Variants in RGS6 observed in about 807,000 individuals in gnomAD.
The protein encoded by RGS6 is regulator of G-protein signaling 6.
Under a neutral mutation model 78.5 loss-of-function variants are expected in RGS6, and 30 were observed. That is an observed-to-expected ratio of 0.38 (90% CI 0.29 to 0.52). The LOEUF (loss-of-function observed/expected upper bound fraction) is 0.52, where lower values mean the gene tolerates loss of function less well. Among genes scored for constraint, RGS6 ranks in the 20% least tolerant of loss-of-function variants. RGS6 has a pLI of 0.85. For missense variants in RGS6, 495 were observed against 609.7 expected (o/e 0.81, Z 1.98); for synonymous variants, 206 against 206.0 (o/e 1.00, Z 0.00).
chr14:71,882,291 G>A, the RGS6 span, among the ~76,000 whole-genome samples: 207 of 152,222 alleles, frequency 1.4e-3, 1 homozygote, highest in Non-Finnish European at 4.4e-4. Context: ...TTCTTTTTAT[G>A]GCTGAATAAT....
chr14:72,191,817 C>T (rs933268960), intron 2 of RGS6, among the ~76,000 whole-genome samples: 7 of 152,266 alleles, frequency 4.6e-5, no homozygotes, highest in East Asian at 3.9e-4. Flanking sequence ...ATGTCCATCC[C>T]GGGCCTTTAT....
intron 2 of RGS6, among the ~76,000 whole-genome samples, chr14:72,307,437 A>G (rs778423327): frequency 6.6e-6 from 1 of 152,180 alleles, no homozygotes; most frequent in Non-Finnish European, 1.5e-5. Context: ...TTACATTTAA[A>G]TATTTGATTC....
chr14:72,208,297 G>A lies in RGS6; in HGVS notation c.85-143798G>A, dbSNP rs78048558. Among the ~76,000 whole-genome samples the A allele has an allele frequency of 8.9e-3, 1,355 of 152,290 alleles. 19 individuals are homozygous for A. The highest frequency in any genetic ancestry group is 0.014 in the Non-Finnish European group (972 of 68,012). ...ATCAGAGCATGGAACCAACACAGAG[G>A]GAAACACAGCTGAGCAAAGAGAGAG... On this transcript the variant is annotated intron_variant, in intron 2 of 17. Coordinates refer to ENST00000553525, the MANE Select transcript of RGS6 (RefSeq NM_001204424.2).
At chr14:72,357,357 A>C (rs775817134) in intron 3 of RGS6, among the ~76,000 whole-genome samples, 1 of 152,142 alleles carries the variant, frequency 6.6e-6, no homozygotes, top group Non-Finnish European at 1.5e-5. Flanking sequence ...AGAAGACAAG[A>C]ATATGGGGGA....
chr14:72,480,940 G>C (rs967102753), intron 12 of RGS6, among the ~76,000 whole-genome samples: 2 of 152,186 alleles, frequency 1.3e-5, no homozygotes, highest in Admixed American at 6.5e-5. Flanking sequence ...AGCGAGGCTG[G>C]GCTCTGGGAT....
At chr14:72,490,013 A>G (rs1353246922) in intron 12 of RGS6, among the ~76,000 whole-genome samples, 1 of 152,208 alleles carries the variant, frequency 6.6e-6, no homozygotes, top group Non-Finnish European at 1.5e-5. Flanking sequence ...CCTTCCTGCC[A>G]TAGTGCTTTC....
intron 2 of RGS6, among the ~76,000 whole-genome samples, chr14:72,082,535 G>A (rs1310136140): frequency 1.3e-5 from 2 of 151,996 alleles, no homozygotes; most frequent in Admixed American, 6.6e-5. Flanking sequence ...TTAGATGATA[G>A]TTTAATGATA....
At chr14:71,934,205 A>G (rs767599367) in intron 1 of RGS6, among the ~76,000 whole-genome samples, 6 of 152,232 alleles carry the variant, frequency 3.9e-5, no homozygotes, top group Non-Finnish European at 7.3e-5. Context: ...CAAATCTCGC[A>G]TGCTATAGAT....
chr14:72,479,846 G>A (rs984937625), intron 12 of RGS6, among the ~76,000 whole-genome samples: 5 of 152,188 alleles, frequency 3.3e-5, no homozygotes, highest in Non-Finnish European at 5.9e-5. Flanking sequence ...GAGGAACCAC[G>A]AGCTTCTTTC....
intron 1 of RGS6, among the ~76,000 whole-genome samples, chr14:71,955,801 C>T (rs1390579219): frequency 6.7e-6 from 1 of 148,418 alleles, no homozygotes; most frequent in Admixed American, 6.7e-5. Flanking sequence ...GCGTAACTCT[C>T]TGGGAATGCA....
intron 3 of RGS6, among the ~76,000 whole-genome samples, chr14:72,427,474 G>A (rs1429917258): frequency 6.6e-6 from 1 of 152,158 alleles, no homozygotes; most frequent in Non-Finnish European, 1.5e-5. Context: ...AACTGATGTT[G>A]CATTGAGCAA....
At chr14:72,600,355 C>G in the RGS6 span, among the ~76,000 whole-genome samples, 3 of 151,598 alleles carry the variant, frequency 2.0e-5, no homozygotes, top group Admixed American at 6.6e-5. Context: ...CTGTCCCCAG[C>G]GCTAGGCCAG....
rs188732629 is a variant in RGS6, at chr14:72,541,632, C to A, written c.1422+1538C>A. ...TGGCCTGAGAGAAGGTAGTGGGATC[C>A]CATCTCTCTCTGTTTGTCTCTTTTG... On this transcript the variant is annotated intron_variant, in intron 17 of 17. Transcript: ENST00000553525. 2.6e-6 allele frequency: 4 copies of A among 1,534,890 alleles called. No individual in the cohort carries two copies. In the Admixed American group the frequency reaches 5.9e-5, roughly 23 times the overall value.
At chr14:72,057,875 C>T (rs554070456) in intron 2 of RGS6, among the ~76,000 whole-genome samples, 4 of 152,280 alleles carry the variant, frequency 2.6e-5, no homozygotes, top group African/African-American at 9.6e-5. Flanking sequence ...GCTTGGCAAT[C>T]AATGCCGGAT....
At chr14:72,554,384 C>G (rs2153538370) in intron 17 of RGS6, among the ~76,000 whole-genome samples, 1 of 152,370 alleles carries the variant, frequency 6.6e-6, no homozygotes, top group East Asian at 1.9e-4. Context: ...TCCACAATAT[C>G]AAGTAACTAA....
At chr14:72,471,896 A>G (rs982752905) in intron 8 of RGS6, among the ~76,000 whole-genome samples, 6 of 152,256 alleles carry the variant, frequency 3.9e-5, no homozygotes, top group Non-Finnish European at 7.3e-5. Context: ...TTCCAGAATC[A>G]AACAGCATCA....
At chr14:72,498,294 T>G (rs906792101) in intron 13 of RGS6, among the ~76,000 whole-genome samples, 1 of 152,232 alleles carries the variant, frequency 6.6e-6, no homozygotes, top group African/African-American at 2.4e-5. Context: ...CCGCTTAGTT[T>G]TATTCGGGGT....
the RGS6 span, among the ~76,000 whole-genome samples, chr14:71,908,793 C>T: frequency 5.3e-5 from 8 of 152,276 alleles, no homozygotes; most frequent in Admixed American, 2.0e-4. Context: ...CTGCCTACCA[C>T]GCCTCTGGCT....
At chr14:72,314,580 A>G (rs2069565022) in intron 2 of RGS6, among the ~76,000 whole-genome samples, 5 of 152,178 alleles carry the variant, frequency 3.3e-5, no homozygotes, top group Admixed American at 3.3e-4. Context: ...ACACAACAGT[A>G]TATACTTTAT....
Sources: gnomAD v4.1 joint callset for allele counts (sites outside exome capture counted in the v4.1 genomes callset) on GRCh38, gnomAD v4.1.1 for gene constraint, MANE v1.5 for transcripts, NCBI Gene and HGNC (gene_info 2026-07-23, HGNC 2026-07-21) for gene names.